Variants in USH2A observed in about 807,000 individuals in gnomAD.
The protein encoded by USH2A is Usher syndrome 2A (autosomal recessive, mild).
A neutral mutation model predicts 538.9 loss-of-function variants in USH2A; 443 were observed. The ratio of observed to expected loss-of-function variants is 0.82; its 90% CI spans 0.76 to 0.89. USH2A has a LOEUF of 0.89. Among genes scored for constraint, USH2A ranks in the 40% least tolerant of loss-of-function variants. The pLI, the probability that USH2A is intolerant of heterozygous loss-of-function variation, is 0.00. For synonymous variants in USH2A, 2,413 were observed against 2,273.5 expected (o/e 1.06, Z -1.75); for missense variants, 6,633 against 6,324.8 (o/e 1.05, Z -1.65).
intron 3 of USH2A, among the ~76,000 whole-genome samples, chr1:216,385,723 C>T (rs1464766411): frequency 2.0e-5 from 3 of 152,142 alleles, no homozygotes; most frequent in East Asian, 1.9e-4. Context: ...AGCTTTATTC[C>T]GGTTTCTATC....
chr1:215,795,188 C>T (rs1320149734), intron 50 of USH2A, among the ~76,000 whole-genome samples: 1 of 152,156 alleles, frequency 6.6e-6, no homozygotes, highest in Non-Finnish European at 1.5e-5. Flanking sequence ...AGAGTGTATA[C>T]CTCCTGTAAA....
intron 55 of USH2A, among the ~76,000 whole-genome samples, chr1:215,774,301 T>G (rs1322862613): frequency 6.6e-6 from 1 of 151,954 alleles, no homozygotes; most frequent in South Asian, 2.1e-4. Flanking sequence ...CTCTCCAATA[T>G]CTTCCTGATC....
chr1:215,909,557 C>T lies in USH2A; in HGVS notation c.7301-8652G>A, dbSNP rs559883485. The stretch of plus-strand genomic sequence containing the variant: ...AAATGGGAACTCTGCACCTTCTGCC[C>T]GATGTTGCTGTGAACCTAAAGCTGC... On this transcript the variant is annotated intron_variant, in intron 38 of 71. Transcript: ENST00000307340. 1.1e-4 allele frequency among the ~76,000 whole-genome samples: 16 copies of T among 151,806 alleles called. No individual in the cohort carries two copies. In the South Asian group the frequency reaches 3.3e-3, roughly 32 times the overall value.
At chr1:215,835,349 T>C (rs1663447044) in intron 47 of USH2A, among the ~76,000 whole-genome samples, 1 of 152,050 alleles carries the variant, frequency 6.6e-6, no homozygotes, top group East Asian at 1.9e-4. Flanking sequence ...AAAACTATGT[T>C]CAGTTTCCTA....
chr1:215,738,835 A>G (rs980569545), intron 60 of USH2A, among the ~76,000 whole-genome samples: 1 of 152,208 alleles, frequency 6.6e-6, no homozygotes, highest in Non-Finnish European at 1.5e-5. Flanking sequence ...AGCTGAAATT[A>G]CATGCCATAA....
rs376720226 is a variant in USH2A, at chr1:216,242,167, C to T, written c.2809+4418G>A. On this transcript the variant is annotated intron_variant, in intron 13 of 71. Coordinates refer to ENST00000307340, the MANE Select transcript of USH2A (RefSeq NM_206933.4). ...GAGATCGAGACCATCCTGGCTAACA[C>T]GGTGAAACCCCATCTCTGCTTTAAA... Among the ~76,000 whole-genome samples, 138 of 141,726 alleles carry T rather than the reference C, an allele frequency of 9.7e-4. 2 individuals carry two copies. In the East Asian group the frequency reaches 0.012, roughly 12 times the overall value. The allele number at this position is 141,726 out of a possible 152,430, so 93.0% of individuals were successfully genotyped here. A position where few individuals can be genotyped will look rare whatever the true frequency, so the allele number is the denominator to read the frequency against.
intron 11 of USH2A, among the ~76,000 whole-genome samples, chr1:216,266,491 A>G (rs2036475613): frequency 6.6e-6 from 1 of 152,174 alleles, no homozygotes; most frequent in South Asian, 2.1e-4. Context: ...AAGAAAGAAT[A>G]CAAACATTTT....
intron 11 of USH2A, among the ~76,000 whole-genome samples, chr1:216,280,401 GA>G (rs367915868): frequency 0.011 from 1,600 of 141,898 alleles, 26 homozygotes; most frequent in African/African-American, 0.038. Flanking sequence ...ACAGACAAAA[GA>G]AAAAAAAAAG....
rs183794986 is a variant in USH2A at position 215,890,071 on chromosome 1, G to T, written c.7595-1017C>A. On this transcript the variant is annotated intron_variant, in intron 40 of 71. Transcript: ENST00000307340. ...GAACATGGTGCAATAACACAAATCT[G>T]GCTCAATCACTGATCAGTAACAGCT... is the stretch of plus-strand genomic sequence containing the variant. 1.3e-3 allele frequency among the ~76,000 whole-genome samples: 201 copies of T among 152,208 alleles called. 4 individuals carry two copies. The highest frequency in any genetic ancestry group is 2.1e-4 in the Non-Finnish European group (14 of 68,018).
In USH2A at chr1:216,394,720, C is replaced by CTTTTTTTTTTTTTTTTTTTTTTTTTT. The variant is rs780581599; in HGVS notation, c.651+23793_651+23794insAAAAAAAAAAAAAAAAAAAAAAAAAA. On this transcript the variant is annotated intron_variant, in intron 3 of 71. Transcript: ENST00000307340. Reference sequence around the variant, plus strand: ...CTTAAGGCCTAATAACTGGTCCAGTCTTTTTTTTTTTTTTTTGAGACAGAG... The same window carrying CTTTTTTTTTTTTTTTTTTTTTTTTTT: ...CTTAAGGCCTAATAACTGGTCCAGTCTTTTTTTTTTTTTTTTTTTTTTTTTTTTTTTTTTTTTTTTTTGAGACAGAG... Among the ~76,000 whole-genome samples the CTTTTTTTTTTTTTTTTTTTTTTTTTT allele has an allele frequency of 8.3e-5, 10 of 120,328 alleles. 2 individuals are homozygous for CTTTTTTTTTTTTTTTTTTTTTTTTTT. Among genetic ancestry groups the CTTTTTTTTTTTTTTTTTTTTTTTTTT allele is most frequent in the Non-Finnish European group, 3.4e-5 (2 of 59,644 alleles). 78.9% of individuals were successfully genotyped at this position (120,328 alleles called of 152,430 possible). A position where few individuals can be genotyped will look rare whatever the true frequency, so the allele number is the denominator to read the frequency against.
chr1:216,120,721 G>C (rs2033119985), intron 21 of USH2A, among the ~76,000 whole-genome samples: 1 of 151,974 alleles, frequency 6.6e-6, no homozygotes, highest in African/African-American at 2.4e-5. Flanking sequence ...GCATGGTGGC[G>C]GGCACCTGTA....
chr1:215,685,346 T>C (rs186351211), intron 61 of USH2A, among the ~76,000 whole-genome samples: 1 of 70,100 alleles, frequency 1.4e-5, no homozygotes, highest in Non-Finnish European at 2.9e-5. Context: ...TTTTTTTTTG[T>C]TGTTGTTGTT....
intron 19 of USH2A, chr1:216,193,908 G>C (rs12070019): frequency 6.6e-6 from 1 of 152,130 alleles, no homozygotes; most frequent in South Asian, 2.1e-4. Flanking sequence ...TGACTTCCTA[G>C]CTTAATTTGA....
At chr1:215,981,759 T>C (rs557370691) in intron 35 of USH2A, among the ~76,000 whole-genome samples, 26 of 152,336 alleles carry the variant, frequency 1.7e-4, no homozygotes, top group African/African-American at 5.8e-4. Context: ...TTAGCTGGCA[T>C]TAATGAGATG....
chr1:215,644,647 T>C (rs1656790578), intron 67 of USH2A, among the ~76,000 whole-genome samples: 1 of 152,172 alleles, frequency 6.6e-6, no homozygotes, highest in East Asian at 1.9e-4. Flanking sequence ...AAAGTTCAGT[T>C]GCGTTGAATG....
At chr1:215,852,100 A>G (rs187631843) in intron 44 of USH2A, among the ~76,000 whole-genome samples, 1 of 152,308 alleles carries the variant, frequency 6.6e-6, no homozygotes, top group Non-Finnish European at 1.5e-5. Context: ...GGAAAAGTGG[A>G]AAGCTGTATT....
intron 21 of USH2A, chr1:216,174,978 A>G: frequency 7.9e-7 from 1 of 1,264,714 alleles, no homozygotes; most frequent in Non-Finnish European, 1.0e-6. Context: ...CACATACTTC[A>G]CAAAAAGACA....
At chr1:216,049,121 A>G (rs1356293805) in intron 30 of USH2A, among the ~76,000 whole-genome samples, 1 of 152,190 alleles carries the variant, frequency 6.6e-6, no homozygotes, top group African/African-American at 2.4e-5. Flanking sequence ...TACTCCCAAG[A>G]GTGGCTTCAT....
At chr1:215,732,544 C>CTTTTTTTT (rs141549439) in intron 60 of USH2A, among the ~76,000 whole-genome samples, 133 of 73,588 alleles carry the variant, frequency 1.8e-3, no homozygotes, top group Middle Eastern at 0.014. Context: ...TTTTTTCTTT[C>CTTTTTTTT]TTTTTTTTTT....
Sources: allele counts gnomAD v4.1 joint callset (sites outside exome capture counted in the v4.1 genomes callset), GRCh38; gene constraint gnomAD v4.1.1; transcripts MANE v1.5; gene names NCBI Gene and HGNC (gene_info 2026-07-23, HGNC 2026-07-21).